GRID2: variants seen among roughly 807,000 people sequenced by gnomAD.
The protein encoded by GRID2 is glutamate receptor ionotropic, delta-2.
A neutral mutation model predicts 114.8 loss-of-function variants in GRID2; 33 were observed. That is an observed-to-expected ratio of 0.29 (90% CI 0.22 to 0.38). GRID2 has a LOEUF of 0.38. Ranked by LOEUF, GRID2 falls within the 10% of genes least tolerant of loss-of-function variation. GRID2 has a pLI of 1.00. For synonymous variants in GRID2, 505 were observed against 449.9 expected (o/e 1.12, Z -1.55); for missense variants, 1,184 against 1,257.7 (o/e 0.94, Z 0.89).
chr4:93,267,744 T>G (rs563783400), intron 8 of GRID2, among the ~76,000 whole-genome samples: 69 of 152,158 alleles, frequency 4.5e-4, no homozygotes, highest in Non-Finnish European at 7.6e-4. Context: ...ACCTCTCAGT[T>G]CTGGCTTTGG....
intron 8 of GRID2, among the ~76,000 whole-genome samples, chr4:93,248,185 T>G (rs1473782307): frequency 1.3e-5 from 2 of 152,182 alleles, no homozygotes; most frequent in Non-Finnish European, 2.9e-5. Context: ...AATTCCTAGT[T>G]TCAGCCACTA....
chr4:92,952,730 C>G (rs1752122307), intron 2 of GRID2, among the ~76,000 whole-genome samples: 1 of 152,126 alleles, frequency 6.6e-6, no homozygotes, highest in Admixed American at 6.6e-5. Flanking sequence ...TTTGGAATTC[C>G]CATGTTTCAG....
intron 2 of GRID2, among the ~76,000 whole-genome samples, chr4:92,771,513 T>C (rs1450960830): frequency 1.3e-5 from 2 of 152,078 alleles, no homozygotes; most frequent in African/African-American, 2.4e-5. Context: ...TTGGTTGGAG[T>C]GTGAATGTGT....
At chr4:92,577,592 T>C (rs939380378) in intron 1 of GRID2, among the ~76,000 whole-genome samples, 2 of 152,160 alleles carry the variant, frequency 1.3e-5, no homozygotes, top group African/African-American at 4.8e-5. Flanking sequence ...CTGTTTGGCA[T>C]TGTTTTTGAG....
chr4:93,759,579 A>G (rs1161570081), intron 14 of GRID2, among the ~76,000 whole-genome samples: 1 of 152,214 alleles, frequency 6.6e-6, no homozygotes, highest in Non-Finnish European at 1.5e-5. Context: ...CAGATTGGAA[A>G]CTTCACAATG....
At chr4:93,625,918 A>AAAAACAAAACAAAAC (rs70942980) in intron 13 of GRID2, among the ~76,000 whole-genome samples, 1 of 143,014 alleles carries the variant, frequency 7.0e-6, no homozygotes, top group South Asian at 2.1e-4. Flanking sequence ...CCGTCTCAGA[A>AAAAACAAAACAAAAC]AAAACAAAAC....
At chr4:92,590,571 A>T (rs1728663864) in intron 2 of GRID2, among the ~76,000 whole-genome samples, 1 of 152,176 alleles carries the variant, frequency 6.6e-6, no homozygotes, top group South Asian at 2.1e-4. Flanking sequence ...TAAATGAAAC[A>T]TCTTTTTAAA....
chr4:92,622,688 T>A lies in GRID2; in HGVS notation c.244+32402T>A, dbSNP rs199576351. On this transcript the variant is annotated intron_variant, in intron 2 of 15. Transcript: ENST00000282020. ...TTATTTACCACTTGGTCTGGATCAG[T>A]CATCGTCATCATCTTAATGGTAAAG... Among the ~76,000 whole-genome samples, 7 of 151,740 alleles carry A rather than the reference T, an allele frequency of 4.6e-5. No homozygotes were observed. In the East Asian group the frequency reaches 1.2e-3, roughly 25 times the overall value.
intron 2 of GRID2, among the ~76,000 whole-genome samples, chr4:92,792,656 A>T (rs1739650708): frequency 6.6e-6 from 1 of 151,874 alleles, no homozygotes; most frequent in African/African-American, 2.4e-5. Flanking sequence ...TGAAAACTTT[A>T]GTGAAAACAA....
intron 2 of GRID2, among the ~76,000 whole-genome samples, chr4:92,706,334 T>C (rs190721091): frequency 8.1e-4 from 124 of 152,270 alleles, no homozygotes; most frequent in Admixed American, 6.4e-3. Context: ...CTCACCTATT[T>C]TTAAAGTTTT....
intron 9 of GRID2, among the ~76,000 whole-genome samples, chr4:93,400,842 G>A (rs1257927148): frequency 6.6e-6 from 1 of 151,868 alleles, no homozygotes; most frequent in African/African-American, 2.4e-5. Flanking sequence ...TTTTTTTGTT[G>A]TTTGTTTTTA....
intron 1 of GRID2, among the ~76,000 whole-genome samples, chr4:92,459,340 C>A (rs1408353425): frequency 6.6e-6 from 1 of 152,036 alleles, no homozygotes; most frequent in Non-Finnish European, 1.5e-5. Context: ...ACCTTAACAT[C>A]CTGAAGTGTA....
At chr4:93,580,426 G>C (rs564102894) in intron 13 of GRID2, among the ~76,000 whole-genome samples, 1 of 152,106 alleles carries the variant, frequency 6.6e-6, no homozygotes, top group African/African-American at 2.4e-5. Context: ...TGAATATTTC[G>C]AGAAAGAACT....
intron 1 of GRID2, among the ~76,000 whole-genome samples, chr4:92,349,009 C>T (rs1727926663): frequency 6.8e-6 from 1 of 147,358 alleles, no homozygotes; most frequent in East Asian, 2.0e-4. Context: ...TACTAGAGTG[C>T]TTTTTTTTTT....
chr4:92,706,072 C>T (rs1156942215), intron 2 of GRID2, among the ~76,000 whole-genome samples: 1 of 152,164 alleles, frequency 6.6e-6, no homozygotes, highest in Non-Finnish European at 1.5e-5. Context: ...TTAAAAACAT[C>T]AAGGTCTTGA....
intron 2 of GRID2, among the ~76,000 whole-genome samples, chr4:93,019,609 T>C (rs777566783): frequency 7.2e-5 from 11 of 152,278 alleles, no homozygotes; most frequent in Non-Finnish European, 1.6e-4. Flanking sequence ...ATAGTCAGAC[T>C]AGTAGGACTC....
At chr4:92,492,630 A>G (rs563987421) in intron 1 of GRID2, among the ~76,000 whole-genome samples, 2 of 152,282 alleles carry the variant, frequency 1.3e-5, no homozygotes, top group African/African-American at 4.8e-5. Flanking sequence ...AGGCATAGAT[A>G]TTCCATGTTT....
At chr4:92,634,732 ATTTCT>A (rs1055130144) in intron 2 of GRID2, among the ~76,000 whole-genome samples, 6 of 141,390 alleles carry the variant, frequency 4.2e-5, no homozygotes, top group African/African-American at 1.6e-4. Flanking sequence ...TATTAGAAAC[ATTTCT>A]TTTTTTTTTC....
At chr4:92,536,056 CA>C (rs954838740) in intron 1 of GRID2, among the ~76,000 whole-genome samples, 1 of 152,162 alleles carries the variant, frequency 6.6e-6, no homozygotes, top group African/African-American at 2.4e-5. Context: ...GGATACATTG[CA>C]AAGAGCAAAA....
Sources: gnomAD v4.1 joint callset for allele counts (sites outside exome capture counted in the v4.1 genomes callset) on GRCh38, gnomAD v4.1.1 for gene constraint, MANE v1.5 for transcripts, NCBI Gene and HGNC (gene_info 2026-07-23, HGNC 2026-07-21) for gene names.